Variants in CHRNA7 observed in about 807,000 individuals in gnomAD.
CHRNA7 encodes the protein cholinergic receptor nicotinic alpha 7 subunit, also known as neuronal acetylcholine receptor subunit alpha-7.
Under a neutral mutation model 48.0 loss-of-function variants are expected in CHRNA7, and 17 were observed. The ratio of observed to expected loss-of-function variants is 0.35; its 90% CI spans 0.24 to 0.53. CHRNA7 has a LOEUF of 0.53. Among genes scored for constraint, CHRNA7 ranks in the 20% least tolerant of loss-of-function variants. CHRNA7 has a pLI of 0.92. For synonymous variants in CHRNA7, 75 were observed against 242.3 expected (o/e 0.31, Z 6.41); for missense variants, 155 against 577.7 (o/e 0.27, Z 7.50).
Position 32,115,599 on chromosome 15 carries a change from G to A in CHRNA7, c.350+3700G>A, listed in dbSNP as rs571203064. Among the ~76,000 whole-genome samples the A allele has an allele frequency of 2.0e-4, 31 of 152,078 alleles. No individual in the cohort carries two copies. In the South Asian group the frequency reaches 5.2e-3, roughly 25 times the overall value. ...TGTTTATATGAGCGTCTTGCGGGGCGAGGAATGCCCACCCCTTAACTCCCA... is the reference window on the plus strand; with the variant it reads ...TGTTTATATGAGCGTCTTGCGGGGCAAGGAATGCCCACCCCTTAACTCCCA... On this transcript the variant is annotated intron_variant, in intron 4 of 9. Coordinates refer to ENST00000306901, the MANE Select transcript of CHRNA7 (RefSeq NM_000746.6).
Position 32,097,524 on chromosome 15 carries a change from A to T in CHRNA7, c.196-3779A>T, listed in dbSNP as rs554032649. ...GGGAAGCCAGCCCCCACCAGACACC[A>T]GGGTTCAACCATAGTGGCAGGTTAA... On this transcript the variant is annotated intron_variant, in intron 2 of 9. Coordinates refer to ENST00000306901, the MANE Select transcript of CHRNA7 (RefSeq NM_000746.6). Among the ~76,000 whole-genome samples, 3 of 152,274 alleles carry T rather than the reference A, an allele frequency of 2.0e-5. No homozygotes were observed. The East Asian group carries it at 5.8e-4, about 29-fold the overall frequency.
chr15:32,056,760 C>CTTGA (rs1307187808), intron 2 of CHRNA7, among the ~76,000 whole-genome samples: 3 of 152,146 alleles, frequency 2.0e-5, no homozygotes, highest in Non-Finnish European at 2.9e-5. Context: ...GTTTCTATTT[C>CTTGA]TTGATTGATT....
intron 4 of CHRNA7, among the ~76,000 whole-genome samples, chr15:32,145,131 A>C (rs1047538361): frequency 6.6e-6 from 1 of 152,156 alleles, no homozygotes; most frequent in Non-Finnish European, 1.5e-5. Context: ...TGTTGATGCT[A>C]TTCCTTTCTG....
chr15:32,097,792 G>A (rs2050497459), intron 2 of CHRNA7, among the ~76,000 whole-genome samples: 2 of 152,210 alleles, frequency 1.3e-5, no homozygotes, highest in Admixed American at 1.3e-4. Flanking sequence ...GAACCCCCTT[G>A]TTTGACTCGG....
rs918901667 is a variant in CHRNA7, at chr15:32,170,428, T to A, written c.*1970T>A. 6.1e-5 allele frequency: 1 copy of A among 16,334 alleles called. No individual in the cohort carries two copies. The highest frequency in any genetic ancestry group is 1.9e-4 in the Non-Finnish European group (1 of 5,168). The allele number at this position is 16,334 out of a possible 1,614,324, so 1.0% of individuals were successfully genotyped here. A position where few individuals can be genotyped will look rare whatever the true frequency, so the allele number is the denominator to read the frequency against. On this transcript the variant is annotated 3_prime_UTR_variant, in exon 10 of 10. Transcript: ENST00000306901. ...ATGAACCATGCACAAGATTTTCGGT[T>A]TTTTTTTTTTTTTCTGTTACAGTGT...
At chr15:32,153,608 C>T in intron 4 of CHRNA7, 1 of 549,434 alleles carries the variant, frequency 1.8e-6, no homozygotes, top group Non-Finnish European at 3.3e-6. Context: ...CTGCCGATGT[C>T]CTCCAGAGTT....
At chr15:32,152,339 A>G (rs1235637694) in intron 4 of CHRNA7, among the ~76,000 whole-genome samples, 1 of 152,124 alleles carries the variant, frequency 6.6e-6, no homozygotes, top group Non-Finnish European at 1.5e-5. Flanking sequence ...GCTACTCAGG[A>G]GGCTGAGGCA....
At chr15:32,126,788 G>A (rs764582630) in intron 4 of CHRNA7, among the ~76,000 whole-genome samples, 1 of 152,064 alleles carries the variant, frequency 6.6e-6, no homozygotes, top group Non-Finnish European at 1.5e-5. Context: ...ATTATAGGGA[G>A]GTACATTTTC....
chr15:32,045,098 C>T (rs183237223), intron 2 of CHRNA7, among the ~76,000 whole-genome samples: 19 of 152,248 alleles, frequency 1.2e-4, no homozygotes, highest in Middle Eastern at 3.4e-3. Context: ...TTGGTTCTTA[C>T]GATGTTTTCT....
Position 32,047,033 on chromosome 15 carries a change from C to G in CHRNA7, c.195+15996C>G, listed in dbSNP as rs2049563138. Among the ~76,000 whole-genome samples, 3 of 137,286 alleles carry G rather than the reference C, an allele frequency of 2.2e-5. No homozygotes were observed. In the South Asian group the frequency reaches 6.6e-4, roughly 30 times the overall value. The allele number at this position is 137,286 out of a possible 152,430, so 90.1% of individuals were successfully genotyped here. On this transcript the variant is annotated intron_variant, in intron 2 of 9. Transcript: ENST00000306901. ...TGTTCTGTTCCATTGGTCTATATCT[C>G]TGTTTTGGTACCAGTACCATGCTGT...
intron 4 of CHRNA7, among the ~76,000 whole-genome samples, chr15:32,145,420 C>T (rs151097567): frequency 8.5e-5 from 13 of 152,296 alleles, no homozygotes; most frequent in East Asian, 3.9e-4. Context: ...AGAGCTTGAA[C>T]GCCGTGCTGG....
At chr15:32,068,348 A>G (rs542007992) in intron 2 of CHRNA7, among the ~76,000 whole-genome samples, 6 of 152,138 alleles carry the variant, frequency 3.9e-5, no homozygotes, top group Non-Finnish European at 8.8e-5. Flanking sequence ...CTACTTTATC[A>G]GATTGCACAT....
chr15:32,079,269 C>A (rs1219311878), intron 2 of CHRNA7, among the ~76,000 whole-genome samples: 2 of 152,126 alleles, frequency 1.3e-5, no homozygotes, highest in Non-Finnish European at 2.9e-5. Flanking sequence ...TCCCACCACT[C>A]CCATTCAACA....
At chr15:32,123,896 C>T (rs1304493033) in intron 4 of CHRNA7, among the ~76,000 whole-genome samples, 2 of 150,748 alleles carry the variant, frequency 1.3e-5, no homozygotes, top group Middle Eastern at 3.2e-3. Context: ...TTCCTAAGCT[C>T]CCCCCCGCCA....
intron 4 of CHRNA7, among the ~76,000 whole-genome samples, chr15:32,115,528 C>G (rs1039394): frequency 0.048 from 7,267 of 152,100 alleles, 249 homozygotes; most frequent in South Asian, 0.069. Flanking sequence ...TCCAGCCCTA[C>G]TGCTTGTCCT....
intron 4 of CHRNA7, among the ~76,000 whole-genome samples, chr15:32,148,857 T>A (rs2051551609): frequency 6.6e-6 from 1 of 152,228 alleles, no homozygotes; most frequent in Non-Finnish European, 1.5e-5. Flanking sequence ...CACCATGCCC[T>A]CCGCCAGGGG....
At chr15:32,106,991 C>G (rs1385022552) in intron 3 of CHRNA7, among the ~76,000 whole-genome samples, 1 of 152,196 alleles carries the variant, frequency 6.6e-6, no homozygotes, top group African/African-American at 2.4e-5. Flanking sequence ...GATGGCATCT[C>G]AAGGTGAAGA....
At chr15:32,112,445 C>T in intron 4 of CHRNA7, 7 of 431,736 alleles carry the variant, frequency 1.6e-5, no homozygotes, top group South Asian at 1.2e-4. Context: ...TAGTCTTTCT[C>T]CTGAGGTCAG....
At chr15:32,111,343 A>G (rs1041636343) in intron 3 of CHRNA7, 3 of 153,436 alleles carry the variant, frequency 2.0e-5, no homozygotes, top group African/African-American at 7.2e-5. Context: ...GTTCCCATGC[A>G]GCTGCACAGT....
Sources: gnomAD v4.1 joint callset for allele counts (sites outside exome capture counted in the v4.1 genomes callset) on GRCh38, gnomAD v4.1.1 for gene constraint, MANE v1.5 for transcripts, NCBI Gene and HGNC (gene_info 2026-07-23, HGNC 2026-07-21) for gene names.